The following TRIM13 variants were observed in gnomAD, a reference collection of about 807,000 sequenced individuals.
TRIM13 encodes the protein E3 ubiquitin-protein ligase TRIM13.
In TRIM13, 15 loss-of-function variants were observed where a neutral mutation model predicts 27.1. That is an observed-to-expected ratio of 0.55 (90% CI 0.37 to 0.85). The LOEUF is 0.85. TRIM13 is among the 40% of genes least tolerant of loss of function. The pLI, the probability that TRIM13 is intolerant of heterozygous loss-of-function variation, is 0.00. For missense variants in TRIM13, 402 were observed against 472.2 expected, an observed-to-expected ratio of 0.85 and a Z score of 1.38; for synonymous variants, 193 against 171.5, an observed-to-expected ratio of 1.13 and a Z score of -0.98.
chr13:50,012,576 GC>G lies in TRIM13; in HGVS notation c.637del (p.Gln213LysfsTer49). 6.2e-7 allele frequency: 1 copy of G among 1,614,106 alleles called. No individual in the cohort carries two copies. The highest frequency in any genetic ancestry group is 8.5e-7 in the Non-Finnish European group (1 of 1,180,014). On this transcript the variant is annotated frameshift_variant, in exon 2 of 2. Coordinates refer to ENST00000378182, the MANE Select transcript of TRIM13 (RefSeq NM_213590.3). LOFTEE classifies it high-confidence loss of function. ...DFETMKLAVMQAYDPEINKLN... is the reference protein window; with the variant it reads ...DFETMKLAVMXAYDPEINKLN... ...TTGAGACCATGAAACTTGCTGTTAT[GC>G]AAGCATATGACCCAGAGATCAACAA...
intron 1 of TRIM13, among the ~76,000 whole-genome samples, chr13:50,007,522 C>T (rs1242951742): frequency 1.6e-4 from 24 of 149,568 alleles, no homozygotes; most frequent in Non-Finnish European, 1.6e-4. Context: ...CACGGTGGCT[C>T]ACCCCTGTAA....
intron 1 of TRIM13, among the ~76,000 whole-genome samples, chr13:50,004,414 G>A (rs1052059051): frequency 6.6e-6 from 1 of 152,004 alleles, no homozygotes; most frequent in Non-Finnish European, 1.5e-5. Flanking sequence ...ACAGTGAGCT[G>A]TGTTAGGGTC....
In TRIM13 at chr13:50,014,584, G is replaced by C. The variant is rs907521892; in HGVS notation, c.*1420G>C. ...TGACAACAGATAAAACAGTCTGTCA[G>C]CTATTACAAAGTAATCAGCTGAACA... is the stretch of plus-strand genomic sequence containing the variant. On this transcript the variant is annotated 3_prime_UTR_variant, in exon 2 of 2. Coordinates refer to ENST00000378182, the MANE Select transcript of TRIM13 (RefSeq NM_213590.3). 1.2e-5 allele frequency: 2 copies of C among 166,700 alleles called. No individual in the cohort carries two copies. Among genetic ancestry groups the C allele is most frequent in the African/African-American group, 2.4e-5 (1 of 41,396 alleles). 10.3% of individuals were successfully genotyped at this position (166,700 alleles called of 1,614,324 possible).
At chr13:50,000,777 A>C (rs1873932540) in intron 1 of TRIM13, among the ~76,000 whole-genome samples, 1 of 152,216 alleles carries the variant, frequency 6.6e-6, no homozygotes, top group Non-Finnish European at 1.5e-5. Context: ...CTAATTTTAT[A>C]ATTTAAGAAG....
At chr13:50,004,882 C>T (rs1351796224) in intron 1 of TRIM13, among the ~76,000 whole-genome samples, 3 of 151,952 alleles carry the variant, frequency 2.0e-5, no homozygotes, top group African/African-American at 7.2e-5. Flanking sequence ...TTGAGACCAG[C>T]CTGACCAACA....
intron 1 of TRIM13, among the ~76,000 whole-genome samples, chr13:50,006,776 C>T (rs73491507): frequency 0.025 from 3,826 of 152,206 alleles, 98 homozygotes; most frequent in African/African-American, 0.057. Context: ...GAAAAATCAG[C>T]TAATTACACC....
Position 50,013,562 on chromosome 13 carries a change from G to A in TRIM13, c.*398G>A, listed in dbSNP as rs930964985. 82 of 138,086 alleles carry A rather than the reference G, an allele frequency of 5.9e-4. No individual in the cohort carries two copies. Among genetic ancestry groups the A allele is most frequent in the African/African-American group, 2.4e-3 (77 of 32,464 alleles). 8.6% of individuals were successfully genotyped at this position (138,086 alleles called of 1,614,324 possible). On this transcript the variant is annotated 3_prime_UTR_variant, in exon 2 of 2. Transcript: ENST00000378182. ...TTTTGAGATGGAGTCTTGCTCTGTCGCCCAGGCTGGAGTGCAGTGATGCAA... is the reference window on the plus strand; with the variant it reads ...TTTTGAGATGGAGTCTTGCTCTGTCACCCAGGCTGGAGTGCAGTGATGCAA...
intron 1 of TRIM13, among the ~76,000 whole-genome samples, chr13:50,005,959 A>G (rs1256327489): frequency 6.6e-6 from 1 of 151,674 alleles, no homozygotes; most frequent in Non-Finnish European, 1.5e-5. Flanking sequence ...TCATCTGCCC[A>G]CCTCGGCGGC....
chr13:50,009,464 C>T lies in TRIM13; in HGVS notation c.-6-2471C>T, dbSNP rs182968362. On this transcript the variant is annotated intron_variant, in intron 1 of 1. Coordinates refer to ENST00000378182, the MANE Select transcript of TRIM13 (RefSeq NM_213590.3). ...CTATAAAAAAATCCACGGCCAGGCG[C>T]GGTGGCTCACGCCTGTAATCCCAGC... Among the ~76,000 whole-genome samples, 183 of 151,938 alleles carry T rather than the reference C, an allele frequency of 1.2e-3. 1 individual carries two copies. The highest frequency in any genetic ancestry group is 5.4e-3 in the Admixed American group (82 of 15,268).
chr13:50,009,736 C>CAAAAAAAAAA (rs35561642), intron 1 of TRIM13, among the ~76,000 whole-genome samples: 8 of 101,196 alleles, frequency 7.9e-5, no homozygotes, highest in South Asian at 3.7e-4. Flanking sequence ...GACTCCGTCT[C>CAAAAAAAAAA]AAAAAAAAAA....
At position 50,013,093 on chromosome 13, in the gene TRIM13, A is replaced by G. The variant is rs757608445; in HGVS notation, c.1153A>G (p.Arg385Gly). The G allele has an allele frequency of 6.2e-7, 1 of 1,612,894 alleles. No individual in the cohort carries two copies. The highest frequency in any genetic ancestry group is 8.5e-7 in the Non-Finnish European group (1 of 1,179,680). The change falls in exon 2 of 2, where the codon AGA (arginine) becomes GGA (glycine). Residue 385 changes from arginine to glycine, a missense_variant. By Grantham distance (125) the Arg-to-Gly change is moderately radical. Around this residue, in one of 2 missense-constraint regions of TRIM13, gnomAD observed 200 missense variants for 194.7 expected, o/e 1.03. Transcript: ENST00000378182. ...AGATGGGTTTTTCATTTTCAATGAA[A>G]GATTCAAGAATTTTACTTTGGTGGT... ...VTDGFFIFNE[R>G]FKNFTLVVLN...
In TRIM13 at chr13:50,014,538, TTAGTG is replaced by T. The variant is rs1001767483; in HGVS notation, c.*1379_*1383del. On this transcript the variant is annotated 3_prime_UTR_variant, in exon 2 of 2. Coordinates refer to ENST00000378182, the MANE Select transcript of TRIM13 (RefSeq NM_213590.3). ...ATCCACTTGCTTACAGAAAGAATGTTTAGTGTAGTTAAGACTAATTTGACAACAGA... is the reference window on the plus strand; with the variant it reads ...ATCCACTTGCTTACAGAAAGAATGTTTAGTTAAGACTAATTTGACAACAGA... 4.8e-5 allele frequency: 8 copies of T among 166,550 alleles called. No individual in the cohort carries two copies. The South Asian group carries it at 8.3e-4, about 17-fold the overall frequency. The allele number at this position is 166,550 out of a possible 1,614,324, so 10.3% of individuals were successfully genotyped here.
chr13:49,999,384 T>C (rs113645483), intron 1 of TRIM13, among the ~76,000 whole-genome samples: 4 of 152,270 alleles, frequency 2.6e-5, no homozygotes, highest in East Asian at 3.9e-4. Flanking sequence ...TTGGGTGATA[T>C]TTCTCAGCGT....
Position 50,016,005 on chromosome 13 carries a change from C to T in TRIM13, c.*2841C>T, listed in dbSNP as rs760617144. On this transcript the variant is annotated 3_prime_UTR_variant, in exon 2 of 2. Transcript: ENST00000378182. ...TTACTTCCACTGCCTCCACAAAGAC[C>T]TTCTTACCATGACCTGGTTTTCCAG... 6.2e-7 allele frequency: 1 copy of T among 1,614,078 alleles called. No homozygotes were observed. Among genetic ancestry groups the T allele is most frequent in the Admixed American group, 1.7e-5 (1 of 60,018 alleles).
In TRIM13 at chr13:50,012,919, G is replaced by A. The variant is rs770522978; in HGVS notation, c.979G>A (p.Val327Ile). 1.2e-6 allele frequency: 2 copies of A among 1,613,712 alleles called. No homozygotes were observed. The highest frequency in any genetic ancestry group is 2.7e-5 in the African/African-American group (2 of 74,822). ...LFLLILLLGL[V>I]IVFGPTMFLE... The stretch of plus-strand genomic sequence containing the variant: ...TTTGCTAATCCTTCTGCTTGGCCTT[G>A]TCATTGTCTTTGGTCCTACCATGTT... Residue 327 changes from valine to isoleucine, a missense_variant, in exon 2 of 2, where the codon GTC becomes ATC. By Grantham distance (29) the Val-to-Ile change is conservative (BLOSUM62 3). Around this residue, in one of 2 missense-constraint regions of TRIM13, gnomAD observed 200 missense variants for 194.7 expected, o/e 1.03. Transcript: ENST00000378182.
chr13:50,014,560 G>A lies in TRIM13; in HGVS notation c.*1396G>A, dbSNP rs930037815. 1 of 166,418 alleles carries A rather than the reference G, an allele frequency of 6.0e-6. No individual in the cohort carries two copies. Among genetic ancestry groups the A allele is most frequent in the Non-Finnish European group, 1.5e-5 (1 of 68,008 alleles). The allele number at this position is 166,418 out of a possible 1,614,324, so 10.3% of individuals were successfully genotyped here. A position where few individuals can be genotyped will look rare whatever the true frequency, so the allele number is the denominator to read the frequency against. On this transcript the variant is annotated 3_prime_UTR_variant, in exon 2 of 2. Transcript: ENST00000378182. ...TGTTTAGTGTAGTTAAGACTAATTT[G>A]ACAACAGATAAAACAGTCTGTCAGC...
intron 1 of TRIM13, among the ~76,000 whole-genome samples, chr13:50,002,867 T>G (rs1396641243): frequency 6.6e-6 from 1 of 152,146 alleles, no homozygotes; most frequent in East Asian, 1.9e-4. Context: ...TTCACCATCT[T>G]GGCCAGGCTG....
chr13:50,005,633 C>T (rs900011466), intron 1 of TRIM13, among the ~76,000 whole-genome samples: 1 of 150,838 alleles, frequency 6.6e-6, no homozygotes, highest in African/African-American at 2.5e-5. Flanking sequence ...TGTGATTACA[C>T]CACTGCACTC....
chr13:49,998,531 A>G (rs1189770507), intron 1 of TRIM13, among the ~76,000 whole-genome samples: 6 of 152,202 alleles, frequency 3.9e-5, no homozygotes, highest in Non-Finnish European at 8.8e-5. Flanking sequence ...TGCCATATGT[A>G]ATTAAACCTT....
Sources: gnomAD v4.1 joint callset for allele counts (sites outside exome capture counted in the v4.1 genomes callset) on GRCh38, gnomAD v4.1.1 for gene constraint, gnomAD v4.1.1 regional missense constraint, MANE v1.5 for transcripts, NCBI Gene and HGNC (gene_info 2026-07-23, HGNC 2026-07-21) for gene names.